Variants in PPFIA2 observed in about 807,000 individuals in gnomAD.
The protein encoded by PPFIA2 is liprin-alpha-2.
PPFIA2 carries 46 observed loss-of-function variants against 175.5 expected under a neutral mutation model. The ratio of observed to expected loss-of-function variants is 0.26; its 90% confidence interval spans 0.21 to 0.34. PPFIA2 has a LOEUF of 0.34. PPFIA2 is among the 10% of genes least tolerant of loss of function. PPFIA2 has a pLI of 1.00. For synonymous variants in PPFIA2, 568 were observed against 511.4 expected (o/e 1.11, Z -1.49); for missense variants, 1,179 against 1,506.1 (o/e 0.78, Z 3.60).
At chr12:81,390,671 T>C (rs2039950509) in intron 8 of PPFIA2, among the ~76,000 whole-genome samples, 1 of 152,000 alleles carries the variant, frequency 6.6e-6, no homozygotes, top group South Asian at 2.1e-4. Context: ...TATATTTTGA[T>C]TCAAGTATTT....
At position 81,464,050 on chromosome 12, in the gene PPFIA2, G is replaced by A. The variant is rs764643387; in HGVS notation, c.304-6184C>T. The stretch of plus-strand genomic sequence containing the variant: ...TACCTTTTTACTTATTTTCTTCCCC[G>A]CTCCCATCATTTTTTTCTTTTAAAA... On this transcript the variant is annotated intron_variant, in intron 4 of 32. Coordinates refer to ENST00000549396, the MANE Select transcript of PPFIA2 (RefSeq NM_003625.5). Among the ~76,000 whole-genome samples the A allele has an allele frequency of 1.8e-4, 28 of 151,540 alleles. 1 individual carries two copies. The highest frequency in any genetic ancestry group is 3.2e-4 in the Non-Finnish European group (22 of 67,902).
intron 4 of PPFIA2, among the ~76,000 whole-genome samples, chr12:81,507,928 A>C (rs1001899781): frequency 8.5e-5 from 13 of 152,146 alleles, no homozygotes; most frequent in African/African-American, 3.1e-4. Context: ...CTATCACATA[A>C]CCAAAAGTTT....
At chr12:81,539,107 C>T (rs2065839888) in intron 4 of PPFIA2, among the ~76,000 whole-genome samples, 1 of 151,804 alleles carries the variant, frequency 6.6e-6, no homozygotes, top group African/African-American at 2.4e-5. Flanking sequence ...TATACTAATC[C>T]ACTGGAATTG....
intron 8 of PPFIA2, among the ~76,000 whole-genome samples, chr12:81,391,788 A>G (rs2040173993): frequency 6.6e-6 from 1 of 151,984 alleles, no homozygotes; most frequent in Non-Finnish European, 1.5e-5. Flanking sequence ...ACCCTGCAAT[A>G]CAAGCATAAA....
chr12:81,401,904 C>T (rs975938537), intron 8 of PPFIA2, among the ~76,000 whole-genome samples: 1 of 152,044 alleles, frequency 6.6e-6, no homozygotes, highest in African/African-American at 2.4e-5. Flanking sequence ...AATTTAAGAC[C>T]ACACAGAAAT....
At chr12:81,501,859 T>G (rs2060631380) in intron 4 of PPFIA2, among the ~76,000 whole-genome samples, 1 of 152,124 alleles carries the variant, frequency 6.6e-6, no homozygotes, top group African/African-American at 2.4e-5. Context: ...GTCAATTTGT[T>G]GCTAAGAAAG....
At chr12:81,635,934 A>G (rs1046238198) in intron 4 of PPFIA2, among the ~76,000 whole-genome samples, 13 of 152,124 alleles carry the variant, frequency 8.5e-5, no homozygotes, top group Non-Finnish European at 1.5e-4. Flanking sequence ...ACACACACAC[A>G]CACACACACA....
intron 3 of PPFIA2, among the ~76,000 whole-genome samples, chr12:81,744,319 T>C (rs1369620725): frequency 6.6e-6 from 1 of 152,120 alleles, no homozygotes; most frequent in Non-Finnish European, 1.5e-5. Context: ...AAATTCAGTA[T>C]AATTATATGA....
chr12:81,743,961 T>TA (rs1188256575), intron 3 of PPFIA2, among the ~76,000 whole-genome samples: 1 of 152,194 alleles, frequency 6.6e-6, no homozygotes, highest in Non-Finnish European at 1.5e-5. Context: ...TATGATAAAA[T>TA]TAATACATCT....
intron 28 of PPFIA2, among the ~76,000 whole-genome samples, chr12:81,271,738 A>G (rs888746783): frequency 6.6e-6 from 1 of 152,102 alleles, no homozygotes; most frequent in Admixed American, 6.6e-5. Flanking sequence ...TTCCTTTTGC[A>G]TTATAGTTAT....
At chr12:81,454,935 C>T (rs534773415) in intron 5 of PPFIA2, among the ~76,000 whole-genome samples, 1 of 152,238 alleles carries the variant, frequency 6.6e-6, no homozygotes, top group Admixed American at 6.5e-5. Flanking sequence ...TGCAATCTCA[C>T]CCTCCTGGAT....
chr12:81,587,301 T>A (rs1159351015), intron 4 of PPFIA2, among the ~76,000 whole-genome samples: 2 of 151,862 alleles, frequency 1.3e-5, no homozygotes, highest in Non-Finnish European at 2.9e-5. Flanking sequence ...TCTCATGAGA[T>A]CTGATGGTTT....
At chr12:81,507,427 A>G (rs1167600761) in intron 4 of PPFIA2, among the ~76,000 whole-genome samples, 1 of 150,106 alleles carries the variant, frequency 6.7e-6, no homozygotes, top group East Asian at 2.0e-4. Flanking sequence ...ATTATTATTA[A>G]AATGTCTGAG....
intron 8 of PPFIA2, among the ~76,000 whole-genome samples, chr12:81,393,719 G>C (rs939186974): frequency 1.3e-4 from 20 of 152,048 alleles, no homozygotes; most frequent in African/African-American, 4.6e-4. Context: ...TACCATGAGG[G>C]AAGTAAGAGT....
intron 3 of PPFIA2, among the ~76,000 whole-genome samples, chr12:81,705,913 A>T (rs997221607): frequency 4.6e-5 from 7 of 152,224 alleles, no homozygotes; most frequent in African/African-American, 1.7e-4. Flanking sequence ...GCTACTAGTC[A>T]CAGATAGGTA....
In PPFIA2 at chr12:81,358,063, T is replaced by A. The variant is rs1458495140; in HGVS notation, c.1773+19A>T. 3.8e-6 allele frequency: 6 copies of A among 1,561,126 alleles called. No individual in the cohort carries two copies. ...GTATTTAAATAAAACTAGAGAAGAG[T>A]TGAAGTTAAAAGATTAACCTTTGGC... On this transcript the variant is annotated intron_variant, in intron 16 of 32. Coordinates refer to ENST00000549396, the MANE Select transcript of PPFIA2 (RefSeq NM_003625.5).
chr12:81,663,572 A>T (rs1567773082), intron 4 of PPFIA2, among the ~76,000 whole-genome samples: 2 of 152,230 alleles, frequency 1.3e-5, no homozygotes, highest in Admixed American at 1.3e-4. Context: ...TTCCATGCTC[A>T]TGGATAGGAA....
At chr12:81,602,830 A>G (rs1478544176) in intron 4 of PPFIA2, among the ~76,000 whole-genome samples, 1 of 151,840 alleles carries the variant, frequency 6.6e-6, no homozygotes, top group Non-Finnish European at 1.5e-5. Flanking sequence ...TAAATTTTAG[A>G]AAAGGGTACA....
At chr12:81,588,688 C>A (rs907613117) in intron 4 of PPFIA2, among the ~76,000 whole-genome samples, 1 of 151,940 alleles carries the variant, frequency 6.6e-6, no homozygotes, top group African/African-American at 2.4e-5. Context: ...TTTATAAATT[C>A]TTTTGAATTA....
Sources: gnomAD v4.1 joint callset for allele counts (sites outside exome capture counted in the v4.1 genomes callset) on GRCh38, gnomAD v4.1.1 for gene constraint, MANE v1.5 for transcripts, NCBI Gene and HGNC (gene_info 2026-07-23, HGNC 2026-07-21) for gene names.